STX8: variants seen among roughly 807,000 people sequenced by gnomAD.
STX8 encodes the protein syntaxin-8.
In STX8, 23 loss-of-function variants were observed where a neutral mutation model predicts 37.5. The ratio of observed to expected loss-of-function variants is 0.61; its 90% CI spans 0.44 to 0.87. STX8 has a LOEUF of 0.87. Among genes scored for constraint, STX8 ranks in the 40% least tolerant of loss-of-function variants. The pLI is 0.00. For missense variants in STX8, 313 were observed against 284.7 expected, an observed-to-expected ratio of 1.10 and a Z score of -0.71; for synonymous variants, 115 against 99.1, an observed-to-expected ratio of 1.16 and a Z score of -0.95.
chr17:9,438,165 C>G (rs1904500359), intron 6 of STX8, among the ~76,000 whole-genome samples: 1 of 150,744 alleles, frequency 6.6e-6, no homozygotes, highest in Non-Finnish European at 1.5e-5. Context: ...ATTGCTTGAA[C>G]CCGGGAGGCG....
chr17:9,365,516 T>C (rs979458449), intron 7 of STX8, among the ~76,000 whole-genome samples: 6 of 152,346 alleles, frequency 3.9e-5, no homozygotes, highest in Non-Finnish European at 5.9e-5. Context: ...ACTAGCTAGC[T>C]GGTAGCTAAT....
chr17:9,524,729 G>C (rs1355286763), intron 4 of STX8, among the ~76,000 whole-genome samples: 2 of 151,962 alleles, frequency 1.3e-5, no homozygotes, highest in African/African-American at 4.8e-5. Context: ...TCATATCTAA[G>C]AAAGCAAATT....
chr17:9,412,677 C>T (rs2142335884), intron 6 of STX8, among the ~76,000 whole-genome samples: 1 of 152,306 alleles, frequency 6.6e-6, no homozygotes, highest in East Asian at 1.9e-4. Flanking sequence ...CCCAGGCTCT[C>T]CATCCTATGC....
rs138854217 is a variant in STX8, at chr17:9,498,610, C to T, written c.448+6428G>A. ...ACTGCAAGGGTTCAAAGGTTAGCTA[C>T]TAAGATTCCCCAGTGTGAAATGGAG... On this transcript the variant is annotated intron_variant, in intron 5 of 7. Transcript: ENST00000306357. Among the ~76,000 whole-genome samples, 92 of 152,284 alleles carry T rather than the reference C, an allele frequency of 6.0e-4. No individual in the cohort carries two copies. In the East Asian group the frequency reaches 0.015, roughly 24 times the overall value.
At chr17:9,299,939 T>C (rs1908708392) in intron 7 of STX8, among the ~76,000 whole-genome samples, 1 of 152,194 alleles carries the variant, frequency 6.6e-6, no homozygotes, top group African/African-American at 2.4e-5. Context: ...CTTTAAGTTG[T>C]TATCTCGTCA....
Position 9,378,635 on chromosome 17 carries a change from G to A in STX8, c.560C>T (p.Ala187Val). 1 of 1,613,482 alleles carries A rather than the reference G, an allele frequency of 6.2e-7. No homozygotes were observed. The highest frequency in any genetic ancestry group is 2.2e-5 in the East Asian group (1 of 44,862). ...DEQNEIIDDL[A>V]NLVENTDEKL... ...TTCATCTGTGTTCTCCACTAGGTTGGCAAGGTCGTCAATTATCTCTAGAAA... is the reference window on the plus strand; with the variant it reads ...TTCATCTGTGTTCTCCACTAGGTTGACAAGGTCGTCAATTATCTCTAGAAA... The change falls in exon 7 of 8, where the codon GCC becomes GTC. Residue 187 changes from alanine (A) to valine (V), a missense_variant. Physicochemically the swap from Ala to Val is moderately conservative, Grantham distance 64. Transcript: ENST00000306357.
intron 6 of STX8, among the ~76,000 whole-genome samples, chr17:9,446,286 ACTATTC>A (rs1398605658): frequency 1.3e-5 from 2 of 152,228 alleles, no homozygotes; most frequent in Non-Finnish European, 2.9e-5. Context: ...TTGCTGACTG[ACTATTC>A]ATTGGAAGCC....
Position 9,571,487 on chromosome 17 carries a change from T to TGG in STX8, c.18-3018_18-3017insCC, listed in dbSNP as rs112023657. Reference sequence around the variant, plus strand: ...TACTAGTTTAGAAAAAGTAATTGGGTCGGGGGGTGGCTGAGGCAGGAGAAT... The same window carrying TGG: ...TACTAGTTTAGAAAAAGTAATTGGGTGGCGGGGGGTGGCTGAGGCAGGAGAAT... On this transcript the variant is annotated intron_variant, in intron 1 of 7. Coordinates refer to ENST00000306357, the MANE Select transcript of STX8 (RefSeq NM_004853.3). 5.1e-4 allele frequency among the ~76,000 whole-genome samples: 76 copies of TGG among 148,284 alleles called. 1 individual carries two copies. The highest frequency in any genetic ancestry group is 1.6e-3 in the African/African-American group (62 of 39,986).
Position 9,447,281 on chromosome 17 carries a change from G to A in STX8, c.541+44548C>T, listed in dbSNP as rs558185207. ...TAGCTATTACTATGACAAAACTTCAGAGTTCAACATTTTAAATTACAAGAA... is the reference window on the plus strand; with the variant it reads ...TAGCTATTACTATGACAAAACTTCAAAGTTCAACATTTTAAATTACAAGAA... On this transcript the variant is annotated intron_variant, in intron 6 of 7. Transcript: ENST00000306357. 2.6e-5 allele frequency among the ~76,000 whole-genome samples: 4 copies of A among 152,314 alleles called. No individual in the cohort carries two copies. The East Asian group carries it at 7.7e-4, about 29-fold the overall frequency.
intron 7 of STX8, among the ~76,000 whole-genome samples, chr17:9,346,071 C>T (rs1597617020): frequency 6.6e-6 from 1 of 152,076 alleles, no homozygotes; most frequent in African/African-American, 2.4e-5. Context: ...AGGCTGGTCT[C>T]AGACCCCTGA....
intron 6 of STX8, among the ~76,000 whole-genome samples, chr17:9,412,961 G>A (rs1913032917): frequency 2.0e-5 from 3 of 152,208 alleles, no homozygotes; most frequent in South Asian, 4.1e-4. Flanking sequence ...GCTTTAGGAA[G>A]AAAAGTTGCA....
chr17:9,330,823 C>A (rs191853088), intron 7 of STX8, among the ~76,000 whole-genome samples: 22 of 152,322 alleles, frequency 1.4e-4, no homozygotes, highest in Non-Finnish European at 3.2e-4. Context: ...CAGACAAAGC[C>A]AGCAAGTTTC....
At chr17:9,434,868 A>G (rs1315397929) in intron 6 of STX8, among the ~76,000 whole-genome samples, 2 of 152,232 alleles carry the variant, frequency 1.3e-5, no homozygotes, top group African/African-American at 4.8e-5. Flanking sequence ...GGGCATTTCT[A>G]GATGCATAGA....
intron 6 of STX8, among the ~76,000 whole-genome samples, chr17:9,426,780 G>A (rs1178671723): frequency 6.6e-6 from 1 of 151,978 alleles, no homozygotes; most frequent in Non-Finnish European, 1.5e-5. Context: ...GTAAAATAAA[G>A]AATGATGGTG....
chr17:9,519,984 G>C (rs1017492966), intron 4 of STX8, among the ~76,000 whole-genome samples: 2 of 152,100 alleles, frequency 1.3e-5, no homozygotes, highest in African/African-American at 4.8e-5. Context: ...TTTATCAAGC[G>C]GGATTGTAGT....
intron 6 of STX8, among the ~76,000 whole-genome samples, chr17:9,491,515 G>C (rs1039769621): frequency 6.6e-6 from 1 of 152,184 alleles, no homozygotes; most frequent in Non-Finnish European, 1.5e-5. Flanking sequence ...CACAGCCTCA[G>C]TGTACAAAGT....
chr17:9,325,040 T>G (rs1185447168), intron 7 of STX8, among the ~76,000 whole-genome samples: 2 of 152,204 alleles, frequency 1.3e-5, no homozygotes, highest in East Asian at 3.9e-4. Context: ...GCCAGCCACA[T>G]GATCATGGGA....
chr17:9,491,950 A>G, intron 5 of STX8, 29 bp from the exon 6 acceptor site: 1 of 1,522,192 alleles, frequency 6.6e-7, no homozygotes. Flanking sequence ...ATAATTAACT[A>G]GAAACTAGAA....
At chr17:9,296,576 C>T (rs1597589781) in intron 7 of STX8, among the ~76,000 whole-genome samples, 1 of 135,378 alleles carries the variant, frequency 7.4e-6, no homozygotes, top group East Asian at 2.1e-4. Context: ...ATTCATTCAA[C>T]AATAAACTTG....
Sources: allele counts gnomAD v4.1 joint callset (sites outside exome capture counted in the v4.1 genomes callset), GRCh38; gene constraint gnomAD v4.1.1; transcripts MANE v1.5; gene names NCBI Gene and HGNC (gene_info 2026-07-23, HGNC 2026-07-21).